The following NRXN3 variants were observed in gnomAD, a reference collection of about 807,000 sequenced individuals.
NRXN3 encodes the protein neurexin 3.
Under a neutral mutation model 137.6 loss-of-function variants are expected in NRXN3, and 32 were observed. The ratio of observed to expected loss-of-function variants is 0.23; its 90% CI spans 0.18 to 0.31. The LOEUF is 0.31. Ranked by LOEUF, NRXN3 falls within the 10% of genes least tolerant of loss-of-function variation. The pLI is 1.00. For missense variants in NRXN3, 1,574 were observed against 2,062.5 expected (o/e 0.76, Z 4.59); for synonymous variants, 798 against 784.5 (o/e 1.02, Z -0.29).
intron 15 of NRXN3, among the ~76,000 whole-genome samples, chr14:79,344,184 T>G (rs2092755325): frequency 6.6e-6 from 1 of 152,122 alleles, no homozygotes; most frequent in Non-Finnish European, 1.5e-5. Flanking sequence ...AGTCAAAAGT[T>G]TTAAGTGAAA....
chr14:78,943,668 A>T lies in NRXN3; in HGVS notation c.2276-13574A>T, dbSNP rs1243945892. Among the ~76,000 whole-genome samples, 5 of 102,350 alleles carry T rather than the reference A, an allele frequency of 4.9e-5. No homozygotes were observed. In the South Asian group the frequency reaches 1.4e-3, roughly 28 times the overall value. 67.1% of individuals were successfully genotyped at this position (102,350 alleles called of 152,430 possible). On this transcript the variant is annotated intron_variant, in intron 10 of 20. Transcript: ENST00000335750. ...TATATATATATATATATATATATAT[A>T]TATATATATATCTCAAAGAATCTAG... is the stretch of plus-strand genomic sequence containing the variant.
chr14:78,329,046 A>G (rs2080462550), intron 4 of NRXN3, among the ~76,000 whole-genome samples: 1 of 152,196 alleles, frequency 6.6e-6, no homozygotes, highest in African/African-American at 2.4e-5. Flanking sequence ...TTCACAGGAA[A>G]TATCCTACTC....
At chr14:78,946,049 A>G (rs31438) in intron 10 of NRXN3, among the ~76,000 whole-genome samples, 15,503 of 152,204 alleles carry the variant, frequency 0.1, 1,418 homozygotes, top group African/African-American at 0.24. Flanking sequence ...GCTGGTAGGA[A>G]AAGACAGCAA....
intron 4 of NRXN3, among the ~76,000 whole-genome samples, chr14:78,576,721 G>A (rs1380570250): frequency 6.6e-6 from 1 of 152,168 alleles, no homozygotes; most frequent in East Asian, 1.9e-4. Flanking sequence ...TCAAGGGGCG[G>A]AACATTCTGT....
intron 4 of NRXN3, among the ~76,000 whole-genome samples, chr14:78,433,821 A>G (rs2093972012): frequency 2.6e-5 from 4 of 152,140 alleles, no homozygotes. Context: ...GCAGTACAAA[A>G]TGGACTAAAA....
chr14:79,115,927 AC>A (rs2054356347), intron 15 of NRXN3, among the ~76,000 whole-genome samples: 1 of 152,188 alleles, frequency 6.6e-6, no homozygotes. Context: ...TCTTATGTAT[AC>A]TAAGCCTATG....
At chr14:79,680,443 T>TTGTGTGTGTG (rs112213664) in intron 17 of NRXN3, among the ~76,000 whole-genome samples, 1 of 150,208 alleles carries the variant, frequency 6.7e-6, no homozygotes, top group East Asian at 2.0e-4. Flanking sequence ...GTAGGACTGT[T>TTGTGTGTGTG]TGTGTGTGTG....
intron 4 of NRXN3, among the ~76,000 whole-genome samples, chr14:78,346,943 A>G (rs214023): frequency 0.79 from 119,613 of 152,118 alleles, 48,860 homozygotes; most frequent in Non-Finnish European, 0.9. Flanking sequence ...CTTTGCTGAC[A>G]GCAAAGGGTG....
At chr14:79,841,516 A>C (rs2099355767) in intron 20 of NRXN3, among the ~76,000 whole-genome samples, 1 of 152,194 alleles carries the variant, frequency 6.6e-6, no homozygotes, top group Non-Finnish European at 1.5e-5. Flanking sequence ...CATAAAGCGT[A>C]ATGGTATCAG....
chr14:78,573,767 G>A (rs1319523282), intron 4 of NRXN3, among the ~76,000 whole-genome samples: 4 of 152,180 alleles, frequency 2.6e-5, no homozygotes, highest in South Asian at 2.1e-4. Flanking sequence ...CTGACGATGC[G>A]ATAGAAAAGA....
At chr14:79,825,362 T>G (rs2099293094) in intron 20 of NRXN3, among the ~76,000 whole-genome samples, 1 of 152,180 alleles carries the variant, frequency 6.6e-6, no homozygotes, top group Non-Finnish European at 1.5e-5. Context: ...TCCTCTACTC[T>G]CTTCACTCTG....
At chr14:78,179,950 A>G (rs189568554) in intron 1 of NRXN3, among the ~76,000 whole-genome samples, 24 of 147,858 alleles carry the variant, frequency 1.6e-4, no homozygotes, top group Admixed American at 8.9e-4. Context: ...GGTTCAAGGG[A>G]TTCTCCTGCC....
intron 4 of NRXN3, among the ~76,000 whole-genome samples, chr14:78,324,183 T>A (rs926510706): frequency 1.3e-5 from 2 of 152,098 alleles, no homozygotes; most frequent in Non-Finnish European, 2.9e-5. Context: ...TGTCTTTTCA[T>A]CTGTATTATG....
intron 10 of NRXN3, among the ~76,000 whole-genome samples, chr14:78,885,485 C>T (rs2152677562): frequency 6.6e-6 from 1 of 152,142 alleles, no homozygotes; most frequent in Admixed American, 6.6e-5. Flanking sequence ...ATAATAATTA[C>T]TTTATTCTCC....
chr14:78,625,986 C>T (rs746547870), intron 4 of NRXN3, among the ~76,000 whole-genome samples: 25 of 152,286 alleles, frequency 1.6e-4, no homozygotes, highest in African/African-American at 1.9e-4. Flanking sequence ...TGAGTTGTGA[C>T]GGCTCCACAC....
At chr14:78,568,162 C>A (rs997404366) in intron 4 of NRXN3, among the ~76,000 whole-genome samples, 4 of 152,128 alleles carry the variant, frequency 2.6e-5, no homozygotes, top group African/African-American at 9.7e-5. Context: ...ATGTCTGTGT[C>A]CCTCCCTCAG....
intron 6 of NRXN3, chr14:78,695,502 G>T (rs1455234131): frequency 6.6e-6 from 1 of 152,012 alleles, no homozygotes; most frequent in Admixed American, 6.6e-5. Flanking sequence ...GTCAGGAAAG[G>T]TCTAATTTAG....
chr14:78,322,732 C>T (rs1272441183), intron 4 of NRXN3, among the ~76,000 whole-genome samples: 1 of 152,020 alleles, frequency 6.6e-6, no homozygotes, highest in Non-Finnish European at 1.5e-5. Flanking sequence ...ATCCATGATG[C>T]TTCACTATCC....
At chr14:78,178,538 C>G (rs552523795) in intron 1 of NRXN3, among the ~76,000 whole-genome samples, 2 of 152,210 alleles carry the variant, frequency 1.3e-5, no homozygotes, top group East Asian at 1.9e-4. Flanking sequence ...GAACCTGAAG[C>G]CTATTTGTCT....
Sources: allele counts gnomAD v4.1 joint callset (sites outside exome capture counted in the v4.1 genomes callset), GRCh38; gene constraint gnomAD v4.1.1; transcripts MANE v1.5; gene names NCBI Gene and HGNC (gene_info 2026-07-23, HGNC 2026-07-21).